The following NUP43 variants were observed in gnomAD, a reference collection of about 807,000 sequenced individuals.
NUP43 encodes the protein nucleoporin 43, also known as nucleoporin Nup43.
NUP43 carries 32 observed loss-of-function variants against 47.3 expected under a neutral mutation model. The ratio of observed to expected loss-of-function variants is 0.68; its 90% CI spans 0.51 to 0.91. The LOEUF is 0.91. NUP43 is among the 40% of genes least tolerant of loss of function. The pLI, the probability that NUP43 is intolerant of heterozygous loss-of-function variation, is 0.00. For synonymous variants in NUP43, 147 were observed against 158.4 expected (o/e 0.93, Z 0.54); for missense variants, 444 against 453.9 (o/e 0.98, Z 0.20).
chr6:149,735,309 T>C (rs1785265866), intron 6 of NUP43, among the ~76,000 whole-genome samples: 1 of 152,138 alleles, frequency 6.6e-6, no homozygotes, highest in Non-Finnish European at 1.5e-5. Flanking sequence ...CTCAGGCTCC[T>C]GAGTAGGAGG....
At chr6:149,735,619 A>AAAAAAAAC (rs1338322318) in intron 6 of NUP43, among the ~76,000 whole-genome samples, 2 of 150,302 alleles carry the variant, frequency 1.3e-5, no homozygotes, top group African/African-American at 4.9e-5. Context: ...AAAAAAAAAA[A>AAAAAAAAC]ACACACACAG....
Position 149,727,247 on chromosome 6 carries a change from T to C in NUP43, c.914-49A>G, listed in dbSNP as rs1186337061. ...GAAATCTTTCAAGATGATTTTTATA[T>C]TAGTAAACATTCAAACTTCTACTGA... On this transcript the variant is annotated intron_variant, in intron 7 of 7. Coordinates refer to ENST00000340413, the MANE Select transcript of NUP43 (RefSeq NM_198887.3). 11 of 1,559,714 alleles carry C rather than the reference T, an allele frequency of 7.1e-6. No homozygotes were observed. In the East Asian group the frequency reaches 2.3e-4, roughly 33 times the overall value.
At chr6:149,746,698 C>G (rs1562387597), upstream of NUP43, 1 of 1,522,866 alleles carries the variant, frequency 6.6e-7, no homozygotes, top group African/African-American at 1.4e-5. Flanking sequence ...CAGCTCTGAG[C>G]AAAGGCAAGA....
At chr6:149,741,521 T>A (rs1291837168) in intron 4 of NUP43, among the ~76,000 whole-genome samples, 1 of 152,114 alleles carries the variant, frequency 6.6e-6, no homozygotes, top group Non-Finnish European at 1.5e-5. Context: ...TTACTTTTTT[T>A]TTTTAGATGA....
Position 149,728,419 on chromosome 6 carries a change from T to C in NUP43, c.914-1221A>G, listed in dbSNP as rs2115073238. The C allele has an allele frequency of 5.1e-6, 5 of 984,732 alleles. No homozygotes were observed. The Middle Eastern group carries it at 1.6e-3, about 309-fold the overall frequency. 61.0% of individuals were successfully genotyped at this position (984,732 alleles called of 1,614,324 possible). On this transcript the variant is annotated intron_variant, in intron 7 of 7. Transcript: ENST00000340413. ...ATGAAACTGTTTGTTTCTCTGTAGA[T>C]GAAGTTATAGCATGGACATGCATGC... is the stretch of plus-strand genomic sequence containing the variant.
At chr6:149,737,821 G>T (rs552493276) in intron 5 of NUP43, among the ~76,000 whole-genome samples, 1 of 152,044 alleles carries the variant, frequency 6.6e-6, no homozygotes, top group Non-Finnish European at 1.5e-5. Flanking sequence ...CTCCTGAGTA[G>T]CGGGGTCTAT....
rs746577066 is a variant in NUP43 at position 149,736,541 on chromosome 6, T to G, written c.720A>C (p.Gly240=). ...QHVVATGGQD[G]MLSIWDVRQG... ...GTCTAACATCCCAAATACTCAACAT[T>G]CCATCTTGGCCACCAGTAGCTACAA... Residue 240 remains glycine, a synonymous_variant, in exon 6 of 8, where the codon GGA becomes GGC. Transcript: ENST00000340413. 106 of 1,612,066 alleles carry G rather than the reference T, an allele frequency of 6.6e-5. No individual in the cohort carries two copies. The highest frequency in any genetic ancestry group is 8.9e-5 in the Non-Finnish European group (105 of 1,178,398).
intron 6 of NUP43, among the ~76,000 whole-genome samples, chr6:149,735,994 A>C (rs918924287): frequency 4.7e-5 from 7 of 149,558 alleles, no homozygotes; most frequent in Non-Finnish European, 7.4e-5. Flanking sequence ...AAAAAAAAAA[A>C]AAACCAGGCA....
intron 7 of NUP43, among the ~76,000 whole-genome samples, chr6:149,730,612 C>T (rs974924149): frequency 3.3e-5 from 5 of 152,058 alleles, no homozygotes; most frequent in Non-Finnish European, 5.9e-5. Context: ...GTAAAAAATA[C>T]GAGGATGTCT....
intron 6 of NUP43, 112 bp from the exon 7 acceptor site, chr6:149,731,847 G>A: frequency 9.0e-7 from 1 of 1,107,948 alleles, no homozygotes; most frequent in Non-Finnish European, 1.3e-6. Flanking sequence ...ATACCTTCGA[G>A]CCTCAAGTCT....
intron 2 of NUP43, among the ~76,000 whole-genome samples, chr6:149,745,024 C>CAGAGT (rs1358925986): frequency 6.6e-6 from 1 of 150,838 alleles, no homozygotes; most frequent in Non-Finnish European, 1.5e-5. Flanking sequence ...CCTCAGACTC[C>CAGAGT]AGAGTAGCTG....
intron 2 of NUP43, among the ~76,000 whole-genome samples, chr6:149,743,933 A>G (rs111734048): frequency 0.016 from 2,388 of 152,312 alleles, 63 homozygotes; most frequent in African/African-American, 0.055. Flanking sequence ...AGACACATTC[A>G]CCCACAATTG....
rs563115304 is a variant in NUP43 at position 149,733,070 on chromosome 6, G to T, written c.791-1335C>A. 7.3e-5 allele frequency among the ~76,000 whole-genome samples: 11 copies of T among 151,408 alleles called. No homozygotes were observed. In the East Asian group the frequency reaches 2.1e-3, roughly 29 times the overall value. ...AGGAATGACTGTCTTTTACGGAAAA[G>T]TTTTTTTTTAAATTGGTAAGTTGTC... On this transcript the variant is annotated intron_variant, in intron 6 of 7. Coordinates refer to ENST00000340413, the MANE Select transcript of NUP43 (RefSeq NM_198887.3).
At chr6:149,728,484 G>C in intron 7 of NUP43, 1 of 983,518 alleles carries the variant, frequency 1.0e-6, no homozygotes, top group South Asian at 4.7e-5. Flanking sequence ...TTTTTCTGAA[G>C]AAGTTTTAGA....
upstream of NUP43, chr6:149,746,650 T>G (rs774403694): frequency 1.3e-6 from 2 of 1,570,942 alleles, no homozygotes; most frequent in South Asian, 1.1e-5. Flanking sequence ...GTGGGCACAG[T>G]CAGTACCTAG....
chr6:149,731,596 T>C lies in NUP43; in HGVS notation c.913+17A>G. The C allele has an allele frequency of 6.2e-7, 1 of 1,603,128 alleles. No homozygotes were observed. Among genetic ancestry groups the C allele is most frequent in the Non-Finnish European group, 8.5e-7 (1 of 1,174,940 alleles). ...AAAAAAAAAGTACACATAACAGTAT[T>C]CATTAAAAAGTTTTACCTTGGTGAA... On this transcript the variant is annotated intron_variant, in intron 7 of 7. Transcript: ENST00000340413.
chr6:149,746,230 C>T (rs1200163601), intron 1 of NUP43, 146 bp downstream of exon 1: 1 of 1,360,024 alleles, frequency 7.4e-7, no homozygotes, highest in Admixed American at 2.0e-5. Flanking sequence ...CTCTGAGCTA[C>T]GGAGCAACCG....
rs1019906736 is a variant in NUP43, at chr6:149,737,778, G to C, written c.638+865C>G. 1.2e-4 allele frequency among the ~76,000 whole-genome samples: 18 copies of C among 151,802 alleles called. No individual in the cohort carries two copies. The East Asian group carries it at 2.5e-3, about 21-fold the overall frequency. ...TCAAGTGATTCTCCTGCAAACTCTG[G>C]CTCCCAGGTTCAAGTGATTCTCCTG... On this transcript the variant is annotated intron_variant, in intron 5 of 7. Coordinates refer to ENST00000340413, the MANE Select transcript of NUP43 (RefSeq NM_198887.3).
At chr6:149,731,836 C>T (rs2115089997) in intron 6 of NUP43, 101 bp from the exon 7 acceptor site, 5 of 1,236,198 alleles carry the variant, frequency 4.0e-6, no homozygotes, top group Non-Finnish European at 5.7e-6. Flanking sequence ...TCCTCCATCA[C>T]ATACCTTCGA....
Sources: gnomAD v4.1 joint callset for allele counts (sites outside exome capture counted in the v4.1 genomes callset) on GRCh38, gnomAD v4.1.1 for gene constraint, MANE v1.5 for transcripts, NCBI Gene and HGNC (gene_info 2026-07-23, HGNC 2026-07-21) for gene names.